The following CDH18 variants were observed in gnomAD, a reference collection of about 807,000 sequenced individuals.
CDH18 encodes cadherin 18, also known as cadherin-18.
A neutral mutation model predicts 67.9 loss-of-function variants in CDH18; 31 were observed. That is an observed-to-expected ratio of 0.46 (90% CI 0.34 to 0.62). The LOEUF is 0.62. Among genes scored for constraint, CDH18 ranks in the 20% least tolerant of loss-of-function variants. The probability of loss-of-function intolerance (pLI) is 0.01; values close to 1 mark genes in which losing one functional copy is unlikely to be tolerated. For synonymous variants in CDH18, 362 were observed against 347.2 expected, an observed-to-expected ratio of 1.04 and a Z score of -0.48; for missense variants, 890 against 975.5, an observed-to-expected ratio of 0.91 and a Z score of 1.17.
chr5:19,472,857 C>T lies in CDH18; in HGVS notation c.*369G>A, dbSNP rs1737771386. On this transcript the variant is annotated 3_prime_UTR_variant, in exon 13 of 13. Coordinates refer to ENST00000382275, the MANE Select transcript of CDH18 (RefSeq NM_004934.5). ...TACCACCCCTATAAGTCATAACCACCAGTGATCTTGAGCCTTTCTGTTTAG... is the reference window on the plus strand; with the variant it reads ...TACCACCCCTATAAGTCATAACCACTAGTGATCTTGAGCCTTTCTGTTTAG... 1.1e-5 allele frequency: 2 copies of T among 182,422 alleles called. No homozygotes were observed. Among genetic ancestry groups the T allele is most frequent in the Non-Finnish European group, 2.3e-5 (2 of 85,518 alleles). 11.3% of individuals were successfully genotyped at this position (182,422 alleles called of 1,614,324 possible).
intron 7 of CDH18, among the ~76,000 whole-genome samples, chr5:19,579,116 T>A (rs1742799395): frequency 6.6e-6 from 1 of 152,026 alleles, no homozygotes; most frequent in African/African-American, 2.4e-5. Flanking sequence ...ATTTGATTAT[T>A]CATATTTTAA....
rs372333500 is a variant in CDH18, at chr5:20,037,919, G to C, written c.-517-45905C>G. ...AAAAAATCAATGAATCCAGGAGCTA[G>C]TATTTTGAAAAGATTAACAAAATAG... is the stretch of plus-strand genomic sequence containing the variant. On this transcript the variant is annotated intron_variant, in intron 2 of 14. Coordinates refer to the CDH18 transcript ENST00000507958. Among the ~76,000 whole-genome samples the C allele has an allele frequency of 3.0e-4, 46 of 152,088 alleles. No homozygotes were observed. In the South Asian group the frequency reaches 8.7e-3, roughly 29 times the overall value.
chr5:20,337,190 A>T (rs4866181), intron 1 of CDH18, among the ~76,000 whole-genome samples: 123,970 of 152,176 alleles, frequency 0.81, 50,785 homozygotes, highest in African/African-American at 0.91. Flanking sequence ...CTCTGCCATG[A>T]CCTAGAGACA....
intron 2 of CDH18, among the ~76,000 whole-genome samples, chr5:20,099,209 TTTCCAC>T (rs1473284940): frequency 6.6e-6 from 1 of 152,174 alleles, no homozygotes; most frequent in Non-Finnish European, 1.5e-5. Context: ...AAATGCTGTT[TTTCCAC>T]TGATTTCCAA....
At chr5:20,056,259 C>A (rs1440960106) in intron 2 of CDH18, among the ~76,000 whole-genome samples, 1 of 149,490 alleles carries the variant, frequency 6.7e-6, no homozygotes, top group Admixed American at 6.6e-5. Context: ...CCGCCTTGGC[C>A]TCCCGTAGTG....
chr5:20,095,139 A>ACAC (rs1217037542), intron 2 of CDH18, among the ~76,000 whole-genome samples: 1 of 151,772 alleles, frequency 6.6e-6, no homozygotes, highest in Non-Finnish European at 1.5e-5. Flanking sequence ...GGAACATCAC[A>ACAC]CACCAGGCCC....
At position 19,961,982 on chromosome 5, in the gene CDH18, C is replaced by A. The variant is rs549090704; in HGVS notation, c.-257+19078G>T. Among the ~76,000 whole-genome samples, 19 of 151,788 alleles carry A rather than the reference C, an allele frequency of 1.3e-4. No individual in the cohort carries two copies. The East Asian group carries it at 2.1e-3, about 17-fold the overall frequency. On this transcript the variant is annotated intron_variant, in intron 2 of 12. Transcript: ENST00000382275. ...AATAAAATTTGGAAACTTTTGTTAA[C>A]CTTCTCTCCTGTAGATATTATAAAT...
At chr5:20,318,948 T>G (rs1023698043) in intron 1 of CDH18, among the ~76,000 whole-genome samples, 9 of 152,080 alleles carry the variant, frequency 5.9e-5, no homozygotes, top group Non-Finnish European at 1.3e-4. Flanking sequence ...TCCTACAAGG[T>G]TCCCTCTCCA....
chr5:20,214,144 A>T (rs547455530), intron 2 of CDH18, among the ~76,000 whole-genome samples: 114 of 152,210 alleles, frequency 7.5e-4, no homozygotes, highest in African/African-American at 2.6e-3. Context: ...AAGGTGAAAG[A>T]TCTCCACAAG....
At chr5:19,489,256 T>G (rs984544594) in intron 11 of CDH18, among the ~76,000 whole-genome samples, 1 of 149,364 alleles carries the variant, frequency 6.7e-6, no homozygotes, top group Non-Finnish European at 1.5e-5. Flanking sequence ...TTTTCTTTTT[T>G]TTTTTTTTTG....
intron 1 of CDH18, among the ~76,000 whole-genome samples, chr5:20,310,011 G>A (rs964512528): frequency 6.6e-6 from 1 of 151,910 alleles, no homozygotes; most frequent in Non-Finnish European, 1.5e-5. Flanking sequence ...TTTTCACTGT[G>A]TGTCCCCTGA....
chr5:20,437,275 G>T (rs1312960169), intron 1 of CDH18, among the ~76,000 whole-genome samples: 1 of 150,858 alleles, frequency 6.6e-6, no homozygotes, highest in African/African-American at 2.4e-5. Flanking sequence ...TCCCTTCTTA[G>T]AGCCTAAGAA....
chr5:20,475,173 TATAAG>T (rs1464484294), intron 1 of CDH18, among the ~76,000 whole-genome samples: 1 of 152,344 alleles, frequency 6.6e-6, no homozygotes, highest in African/African-American at 2.4e-5. Context: ...ACAATTTTTA[TATAAG>T]ATAATAAAAA....
chr5:20,316,325 G>C (rs1489272535), intron 1 of CDH18, among the ~76,000 whole-genome samples: 2 of 151,972 alleles, frequency 1.3e-5, no homozygotes, highest in South Asian at 2.1e-4. Flanking sequence ...TTGAGAAACA[G>C]CTGAAACTTG....
chr5:19,730,539 C>T (rs939103774), intron 4 of CDH18, among the ~76,000 whole-genome samples: 4 of 152,030 alleles, frequency 2.6e-5, no homozygotes, highest in Admixed American at 6.6e-5. Context: ...AGTTTAAATA[C>T]GAAATTCATT....
chr5:20,441,378 G>C (rs2150191032), intron 1 of CDH18, among the ~76,000 whole-genome samples: 1 of 151,788 alleles, frequency 6.6e-6, no homozygotes, highest in East Asian at 1.9e-4. Flanking sequence ...TGTGGGTATT[G>C]TGTTTTCACG....
intron 5 of CDH18, among the ~76,000 whole-genome samples, chr5:19,648,372 G>A (rs1184173856): frequency 6.6e-6 from 1 of 152,038 alleles, no homozygotes; most frequent in South Asian, 2.1e-4. Flanking sequence ...CCGAGATCAT[G>A]CCACTGCACT....
intron 7 of CDH18, among the ~76,000 whole-genome samples, chr5:19,582,218 C>T (rs62349552): frequency 0.083 from 12,526 of 151,734 alleles, 590 homozygotes; most frequent in African/African-American, 0.12. Flanking sequence ...TATGTGTGCA[C>T]GTGTATGTGT....
At chr5:20,111,102 A>C (rs886182674) in intron 2 of CDH18, among the ~76,000 whole-genome samples, 37 of 152,198 alleles carry the variant, frequency 2.4e-4, no homozygotes, top group African/African-American at 7.0e-4. Flanking sequence ...TTTTCAAGTA[A>C]GGTAATTCCT....
Sources: gnomAD v4.1 joint callset for allele counts (sites outside exome capture counted in the v4.1 genomes callset) on GRCh38, gnomAD v4.1.1 for gene constraint, MANE v1.5 for transcripts, NCBI Gene and HGNC (gene_info 2026-07-23, HGNC 2026-07-21) for gene names.